Variants in BRSK2 observed in about 807,000 individuals in gnomAD.
The protein encoded by BRSK2 is serine/threonine-protein kinase BRSK2.
Under a neutral mutation model 83.3 loss-of-function variants are expected in BRSK2, and 19 were observed. The observed-to-expected ratio is 0.23, with a 90% CI of 0.16 to 0.33. BRSK2 has a LOEUF of 0.33. Ranked by LOEUF, BRSK2 falls within the 10% of genes least tolerant of loss-of-function variation. The probability of loss-of-function intolerance (pLI) is 1.00; values close to 1 mark genes in which losing one functional copy is unlikely to be tolerated. For missense variants in BRSK2, 798 were observed against 1,042.3 expected (o/e 0.77, Z 3.23); for synonymous variants, 519 against 435.4 (o/e 1.19, Z -2.39).
At chr11:1,396,518 G>A (rs549720478) in intron 1 of BRSK2, among the ~76,000 whole-genome samples, 14 of 152,332 alleles carry the variant, frequency 9.2e-5, no homozygotes, top group Non-Finnish European at 1.6e-4. Context: ...AGGCTGGCCC[G>A]AGGGCAGGTC....
At position 1,449,848 on chromosome 11, in the gene BRSK2, C is replaced by T. The variant is rs896639446; in HGVS notation, c.1287+12C>T. On this transcript the variant is annotated intron_variant, in intron 13 of 19. Coordinates refer to ENST00000528841, the MANE Select transcript of BRSK2 (RefSeq NM_001256627.2). ...TCAGCAGCCCCCGGGTGAGTGACCCCCCGCCCCCACCCAGCTCGGATGCAC... is the reference window on the plus strand; with the variant it reads ...TCAGCAGCCCCCGGGTGAGTGACCCTCCGCCCCCACCCAGCTCGGATGCAC... 1.1e-5 allele frequency: 18 copies of T among 1,597,934 alleles called. No homozygotes were observed. The highest frequency in any genetic ancestry group is 2.2e-5 in the East Asian group (1 of 44,726).
At chr11:1,444,378 T>C (rs1334928981) in intron 8 of BRSK2, among the ~76,000 whole-genome samples, 3 of 152,144 alleles carry the variant, frequency 2.0e-5, no homozygotes, top group African/African-American at 7.2e-5. Context: ...AGGGTAGCGT[T>C]GACCTGTTCC....
intron 1 of BRSK2, among the ~76,000 whole-genome samples, chr11:1,434,744 C>T (rs989319855): frequency 4.1e-5 from 6 of 147,270 alleles, no homozygotes; most frequent in East Asian, 2.1e-4. Context: ...GGTGTCTGGG[C>T]GCACCTAGGA....
Position 1,450,702 on chromosome 11 carries a change from C to G in BRSK2, c.1403C>G (p.Pro468Arg). 1 of 1,608,296 alleles carries G rather than the reference C, an allele frequency of 6.2e-7. No individual in the cohort carries two copies. Among genetic ancestry groups the G allele is most frequent in the Non-Finnish European group, 8.5e-7 (1 of 1,178,394 alleles). The change falls in exon 14 of 20, where the codon CCC becomes CGC. Residue 468 changes from proline (P) to arginine (R), a missense_variant. Physicochemically the swap from Pro to Arg is moderately radical, Grantham distance 103 (BLOSUM62 -2). This residue lies in a region of BRSK2 where 455 missense variants were observed against 455.2 expected (regional missense o/e 1.00). Coordinates refer to ENST00000528841, the MANE Select transcript of BRSK2 (RefSeq NM_001256627.2). ...CCCAACCCCACGCCCCCGTCCAGCC[C>G]CAGCGTCGGAGGGGTGCCCTGGAGG... is the stretch of plus-strand genomic sequence containing the variant. ...GTPNPTPPSS[P>R]SVGGVPWRAR...
Position 1,454,465 on chromosome 11 carries a change from C to T in BRSK2, c.1545-20C>T. The T allele has an allele frequency of 1.2e-6, 2 of 1,612,532 alleles. No individual in the cohort carries two copies. The highest frequency in any genetic ancestry group is 1.1e-5 in the South Asian group (1 of 91,034). ...GGTGCCACACCTCAATCCTCACAGC[C>T]TCTGTCTCCCACTGCCCAGGCTGGC... On this transcript the variant is annotated intron_variant, in intron 15 of 19. Coordinates refer to ENST00000528841, the MANE Select transcript of BRSK2 (RefSeq NM_001256627.2). The surrounding 1 kb of genome is among the most constrained non-coding windows in gnomAD (Gnocchi z 5.2).
At chr11:1,446,826 C>T (rs533850976) in intron 12 of BRSK2, among the ~76,000 whole-genome samples, 4 of 152,326 alleles carry the variant, frequency 2.6e-5, no homozygotes, top group South Asian at 2.1e-4. Context: ...TCCAGGAGCC[C>T]GGGCAGCAGT....
chr11:1,441,040 G>C, intron 4 of BRSK2, 112 bp downstream of exon 4: 1 of 904,906 alleles, frequency 1.1e-6, no homozygotes, highest in Non-Finnish European at 1.6e-6. Context: ...GCTATTCCGA[G>C]GTACACCATG....
chr11:1,452,079 CCCAGG>C lies in BRSK2; in HGVS notation c.1544+667_1544+671del, dbSNP rs1845878761. ...TACACATATGAGCCTGCAGCGTGAC[CCCAGG>C]CCAGGCAGCGGCAGAGAGCGGCGGT... On this transcript the variant is annotated intron_variant, in intron 15 of 19. Coordinates refer to ENST00000528841, the MANE Select transcript of BRSK2 (RefSeq NM_001256627.2). 2.0e-5 allele frequency among the ~76,000 whole-genome samples: 3 copies of C among 152,302 alleles called. No individual in the cohort carries two copies. The South Asian group carries it at 6.2e-4, about 32-fold the overall frequency.
intron 19 of BRSK2, 146 bp downstream of exon 19, chr11:1,459,385 C>T (rs1158517063): frequency 1.8e-5 from 16 of 878,626 alleles, no homozygotes; most frequent in East Asian, 1.7e-4. Flanking sequence ...TCCCCGGCCC[C>T]ATCCTCTACC....
rs1293988582 is a variant in BRSK2 at position 1,461,954 on chromosome 11, G to GGCGGCA, written c.*1235_*1240dup. On this transcript the variant is annotated 3_prime_UTR_variant, in exon 20 of 20. Coordinates refer to ENST00000528841, the MANE Select transcript of BRSK2 (RefSeq NM_001256627.2). Reference sequence around the variant, plus strand: ...GGCAGAGGGGCGGTGTCTTGTAGCGGGCGGCAGCGCCAGCGCCCCTCTGTC... The same window carrying GGCGGCA: ...GGCAGAGGGGCGGTGTCTTGTAGCGGGCGGCAGCGGCAGCGCCAGCGCCCCTCTGTC... 1.3e-5 allele frequency: 2 copies of GGCGGCA among 152,158 alleles called. No homozygotes were observed. Among genetic ancestry groups the GGCGGCA allele is most frequent in the East Asian group, 1.9e-4 (1 of 5,172 alleles). 9.4% of individuals were successfully genotyped at this position (152,158 alleles called of 1,614,324 possible).
intron 1 of BRSK2, among the ~76,000 whole-genome samples, chr11:1,410,215 C>T (rs1490556022): frequency 1.1e-4 from 11 of 100,842 alleles, no homozygotes; most frequent in African/African-American, 4.2e-4. Flanking sequence ...ACACAGAGTC[C>T]GTGTTTGGGG....
intron 15 of BRSK2, among the ~76,000 whole-genome samples, chr11:1,453,565 G>A (rs562182518): frequency 1.8e-4 from 28 of 152,340 alleles, no homozygotes; most frequent in Admixed American, 1.7e-3. Context: ...CACTGAGGAG[G>A]CGTCGAGGGG....
chr11:1,446,110 G>GGGAGC (rs1852054027), intron 12 of BRSK2, among the ~76,000 whole-genome samples: 2 of 146,148 alleles, frequency 1.4e-5, no homozygotes, highest in Non-Finnish European at 3.0e-5. Context: ...GGGCTGGGCT[G>GGGAGC]GGAGCTGAGC....
In BRSK2 at chr11:1,438,459, CTG is replaced by C; in HGVS notation, c.272+69_272+70del. ...CAGCTGTCGCTGCAGGGGTGGGTGT[CTG>C]GGGCTTGGGGAGCACAGGGGCTGGA... On this transcript the variant is annotated intron_variant, in intron 3 of 19. Coordinates refer to ENST00000528841, the MANE Select transcript of BRSK2 (RefSeq NM_001256627.2). The surrounding 1 kb of genome is among the most constrained non-coding windows in gnomAD (Gnocchi z 6.4). 6.8e-7 allele frequency: 1 copy of C among 1,467,856 alleles called. No individual in the cohort carries two copies. The highest frequency in any genetic ancestry group is 9.5e-7 in the Non-Finnish European group (1 of 1,051,776). 90.9% of individuals were successfully genotyped at this position (1,467,856 alleles called of 1,614,324 possible). A position where few individuals can be genotyped will look rare whatever the true frequency, so the allele number is the denominator to read the frequency against.
Position 1,456,642 on chromosome 11 carries a change from C to T in BRSK2, c.1894C>T (p.Gln632Ter). 6.2e-7 allele frequency: 1 copy of T among 1,610,760 alleles called. No individual in the cohort carries two copies. The highest frequency in any genetic ancestry group is 2.2e-5 in the East Asian group (1 of 44,828). Residue 632 changes from glutamine (Q) to a stop codon, truncating the protein, a stop_gained, in exon 18 of 20, where the codon CAG (glutamine) becomes TAG (stop). Transcript: ENST00000528841. LOFTEE classifies it high-confidence loss of function. ...GAGGGTGGTGGAGACCATCCAGGCCCAGCTGCTGAGCACACACGACCCGCC... is the reference window on the plus strand; with the variant it reads ...GAGGGTGGTGGAGACCATCCAGGCCTAGCTGCTGAGCACACACGACCCGCC... ...FKRVVETIQA[Q>*]LLSTHDPPAA... is the part of the protein sequence containing the mutation.
intron 8 of BRSK2, among the ~76,000 whole-genome samples, 195 bp from the exon 9 acceptor site, chr11:1,444,776 G>GC (rs1249672227): frequency 6.6e-6 from 1 of 151,716 alleles, no homozygotes; most frequent in East Asian, 2.0e-4. Context: ...AGAGGCAGGA[G>GC]CAGGGGTGCT....
chr11:1,399,014 T>TTGCA (rs1400541247), intron 1 of BRSK2, among the ~76,000 whole-genome samples: 1 of 152,198 alleles, frequency 6.6e-6, no homozygotes, highest in African/African-American at 2.4e-5. Context: ...TGGTGACTTC[T>TTGCA]TGCACACAGG....
intron 12 of BRSK2, 135 bp from the exon 13 acceptor site, chr11:1,449,636 TGCAGC>T: frequency 1.5e-6 from 1 of 669,412 alleles, no homozygotes; most frequent in South Asian, 2.2e-5. Flanking sequence ...TGACAGGGTG[TGCAGC>T]AGGACCCAGG....
At chr11:1,405,262 A>G (rs1270919979) in intron 1 of BRSK2, among the ~76,000 whole-genome samples, 2 of 151,816 alleles carry the variant, frequency 1.3e-5, no homozygotes, top group Admixed American at 1.3e-4. Context: ...TTGGGACAGG[A>G]GCTGACGTTG....
Sources: allele counts gnomAD v4.1 joint callset (sites outside exome capture counted in the v4.1 genomes callset), GRCh38; gene constraint gnomAD v4.1.1; regional missense constraint gnomAD v4.1.1; non-coding constraint Gnocchi (gnomAD v3.1); transcripts MANE v1.5; gene names NCBI Gene and HGNC (gene_info 2026-07-23, HGNC 2026-07-21).